The following LRRC4C variants were observed in gnomAD, a reference collection of about 807,000 sequenced individuals.
The protein encoded by LRRC4C is leucine rich repeat containing 4C.
In LRRC4C, 5 loss-of-function variants were observed where a neutral mutation model predicts 33.6. The ratio of observed to expected loss-of-function variants is 0.15; its 90% CI spans 0.08 to 0.31. The LOEUF is 0.31. LRRC4C is among the 10% of genes least tolerant of loss of function. The probability of loss-of-function intolerance (pLI) is 1.00; values close to 1 mark genes in which losing one functional copy is unlikely to be tolerated. For missense variants in LRRC4C, 560 were observed against 796.7 expected (o/e 0.70, Z 3.58); for synonymous variants, 329 against 302.0 (o/e 1.09, Z -0.93).
At position 40,980,508 on chromosome 11, in the gene LRRC4C, C is replaced by T. The variant is rs1318424453; in HGVS notation, c.-495-46785G>A. On this transcript the variant is annotated intron_variant, in intron 1 of 6. Coordinates refer to ENST00000528697, the MANE Select transcript of LRRC4C (RefSeq NM_001258419.2). ...ATAGTCTGCACTATACACCGTCCGTCCATTTCTGGGGTATGTAAATAAGAA... is the reference window on the plus strand; with the variant it reads ...ATAGTCTGCACTATACACCGTCCGTTCATTTCTGGGGTATGTAAATAAGAA... 2.6e-5 allele frequency among the ~76,000 whole-genome samples: 4 copies of T among 152,148 alleles called. No individual in the cohort carries two copies. The East Asian group carries it at 7.7e-4, about 29-fold the overall frequency.
chr11:40,706,775 A>G (rs138111159), intron 2 of LRRC4C, among the ~76,000 whole-genome samples: 1,636 of 152,280 alleles, frequency 0.011, 27 homozygotes, highest in African/African-American at 0.037. Context: ...TGGGGATGGC[A>G]TTGAATCTCT....
chr11:40,581,400 T>C (rs896999397), intron 3 of LRRC4C, among the ~76,000 whole-genome samples: 1 of 152,222 alleles, frequency 6.6e-6, no homozygotes, highest in Admixed American at 6.5e-5. Flanking sequence ...GACCTAGAGA[T>C]TAGCTGAGTT....
intron 4 of LRRC4C, among the ~76,000 whole-genome samples, chr11:40,307,807 T>TA (rs1333813519): frequency 1.3e-5 from 2 of 151,890 alleles, no homozygotes; most frequent in East Asian, 1.9e-4. Context: ...TAAAGTAAAC[T>TA]AAAAAAAAGT....
intron 2 of LRRC4C, among the ~76,000 whole-genome samples, chr11:40,924,054 T>TTA (rs1957304244): frequency 2.0e-5 from 3 of 151,324 alleles, no homozygotes; most frequent in Non-Finnish European, 4.4e-5. Flanking sequence ...ACTTGTAGAG[T>TTA]TATATATATA....
rs564208363 is a variant in LRRC4C, at chr11:40,873,769, C to T, written c.-407+59866G>A. ...TTAAGTTCATTTCTTGTATCACTGG[C>T]GGGAGAATTCAACACTAAATTCTTT... On this transcript the variant is annotated intron_variant, in intron 2 of 6. Coordinates refer to ENST00000528697, the MANE Select transcript of LRRC4C (RefSeq NM_001258419.2). 1.2e-4 allele frequency among the ~76,000 whole-genome samples: 18 copies of T among 152,174 alleles called. No individual in the cohort carries two copies. In the East Asian group the frequency reaches 2.3e-3, roughly 20 times the overall value.
intron 1 of LRRC4C, among the ~76,000 whole-genome samples, chr11:41,383,854 A>C (rs1454891868): frequency 6.6e-6 from 1 of 151,888 alleles, no homozygotes; most frequent in Non-Finnish European, 1.5e-5. Flanking sequence ...GATTTAAGAC[A>C]TAAGAAAATA....
In LRRC4C at chr11:41,145,626, T is replaced by C. The variant is rs2135935317; in HGVS notation, c.-495-211903A>G. 1.3e-5 allele frequency among the ~76,000 whole-genome samples: 2 copies of C among 152,276 alleles called. 1 individual carries two copies. Among genetic ancestry groups the C allele is most frequent in the East Asian group, 3.9e-4 (2 of 5,184 alleles). On this transcript the variant is annotated intron_variant, in intron 1 of 6. Transcript: ENST00000528697. ...ACAACACTTTGTCGGATAAATTTGT[T>C]GACCCTCCCATATAGTAATTATTCA...
intron 4 of LRRC4C, among the ~76,000 whole-genome samples, chr11:40,319,156 C>G (rs1449727393): frequency 6.6e-6 from 1 of 152,176 alleles, no homozygotes; most frequent in Non-Finnish European, 1.5e-5. Flanking sequence ...TCCATTATAG[C>G]AGCTCTTCTG....
intron 3 of LRRC4C, among the ~76,000 whole-genome samples, chr11:40,564,090 T>G (rs543467073): frequency 2.8e-4 from 43 of 152,332 alleles, no homozygotes; most frequent in African/African-American, 9.1e-4. Context: ...GGATTGAATT[T>G]CAAAGGGTAT....
At chr11:40,757,763 C>A (rs910413538) in intron 2 of LRRC4C, among the ~76,000 whole-genome samples, 11 of 151,868 alleles carry the variant, frequency 7.2e-5, no homozygotes, top group African/African-American at 2.7e-4. Flanking sequence ...TTGCAATTTG[C>A]AGAGAAGTTC....
chr11:41,259,450 T>C (rs781706573), intron 1 of LRRC4C, among the ~76,000 whole-genome samples: 2 of 152,068 alleles, frequency 1.3e-5, no homozygotes, highest in Non-Finnish European at 2.9e-5. Flanking sequence ...AAGTATCTTT[T>C]ATGAAACAAT....
At chr11:41,206,737 C>T (rs1337794046) in intron 1 of LRRC4C, among the ~76,000 whole-genome samples, 2 of 152,090 alleles carry the variant, frequency 1.3e-5, no homozygotes, top group African/African-American at 4.8e-5. Context: ...TCAGGTTTTT[C>T]CATCTTCTTT....
intron 2 of LRRC4C, among the ~76,000 whole-genome samples, chr11:40,692,628 T>C (rs1193324489): frequency 1.3e-5 from 2 of 152,080 alleles, no homozygotes; most frequent in East Asian, 3.9e-4. Flanking sequence ...AAAGTTATCC[T>C]TGTTCATGAG....
At chr11:41,342,988 T>C (rs1237724601) in intron 1 of LRRC4C, among the ~76,000 whole-genome samples, 2 of 152,194 alleles carry the variant, frequency 1.3e-5, no homozygotes, top group African/African-American at 4.8e-5. Flanking sequence ...TTTCCTTGTG[T>C]TAACATAACT....
intron 1 of LRRC4C, among the ~76,000 whole-genome samples, chr11:41,048,960 C>T (rs1858002455): frequency 1.3e-5 from 2 of 152,188 alleles, no homozygotes; most frequent in African/African-American, 4.8e-5. Flanking sequence ...GCATTGTATG[C>T]AGTGGGCAGA....
chr11:41,450,990 T>G (rs1956001886), intron 1 of LRRC4C, among the ~76,000 whole-genome samples: 1 of 152,146 alleles, frequency 6.6e-6, no homozygotes, highest in Non-Finnish European at 1.5e-5. Flanking sequence ...TTTTTGGTTC[T>G]GAATCCTGTG....
chr11:41,434,712 G>A (rs1263571983), intron 1 of LRRC4C, among the ~76,000 whole-genome samples: 7 of 152,176 alleles, frequency 4.6e-5, no homozygotes, highest in Admixed American at 1.3e-4. Context: ...TGTCAGTTTC[G>A]GTAAGCAAGA....
At chr11:40,310,162 C>A (rs1443446444) in intron 4 of LRRC4C, among the ~76,000 whole-genome samples, 1 of 152,104 alleles carries the variant, frequency 6.6e-6, no homozygotes, top group African/African-American at 2.4e-5. Flanking sequence ...TCATGAAGAT[C>A]ATATTTTGAA....
At chr11:40,568,606 T>G (rs1485337241) in intron 3 of LRRC4C, among the ~76,000 whole-genome samples, 1 of 151,966 alleles carries the variant, frequency 6.6e-6, no homozygotes, top group Non-Finnish European at 1.5e-5. Context: ...GCATCAGATT[T>G]AGGGGACTTG....
Sources: allele counts gnomAD v4.1 joint callset (sites outside exome capture counted in the v4.1 genomes callset), GRCh38; gene constraint gnomAD v4.1.1; transcripts MANE v1.5; gene names NCBI Gene and HGNC (gene_info 2026-07-23, HGNC 2026-07-21).